NRF1: variants seen among roughly 807,000 people sequenced by gnomAD.
The protein encoded by NRF1 is alpha palindromic-binding protein.
A neutral mutation model predicts 58.5 loss-of-function variants in NRF1; 5 were observed. The ratio of observed to expected loss-of-function variants is 0.09; its 90% CI spans 0.04 to 0.18. The LOEUF is 0.18. Ranked by LOEUF, NRF1 falls within the 10% of genes least tolerant of loss-of-function variation. The probability of loss-of-function intolerance (pLI) is 1.00; values close to 1 mark genes in which losing one functional copy is unlikely to be tolerated. For missense variants in NRF1, 288 were observed against 657.7 expected, an observed-to-expected ratio of 0.44 and a Z score of 6.15; for synonymous variants, 224 against 246.7, an observed-to-expected ratio of 0.91 and a Z score of 0.86.
chr7:129,640,194 A>G (rs1454045057), intron 1 of NRF1, among the ~76,000 whole-genome samples: 2 of 152,094 alleles, frequency 1.3e-5, no homozygotes, highest in Non-Finnish European at 1.5e-5. Context: ...CAATTTGAAA[A>G]ATCAATTCAA....
intron 10 of NRF1, among the ~76,000 whole-genome samples, chr7:129,733,562 C>G (rs1354378062): frequency 1.3e-5 from 2 of 152,124 alleles, no homozygotes; most frequent in Non-Finnish European, 2.9e-5. Flanking sequence ...AAAATTGACT[C>G]AAGTTTTCTC....
intron 5 of NRF1, among the ~76,000 whole-genome samples, chr7:129,702,550 A>G (rs1393824328): frequency 6.6e-6 from 1 of 152,192 alleles, no homozygotes; most frequent in Non-Finnish European, 1.5e-5. Context: ...ACTACAAATA[A>G]TTCCCAATAT....
At position 129,629,664 on chromosome 7, in the gene NRF1, A is replaced by G. The variant is rs1232589746; in HGVS notation, c.-7+17840A>G. Among the ~76,000 whole-genome samples the G allele has an allele frequency of 2.0e-5, 3 of 152,246 alleles. 1 individual carries two copies. The South Asian group carries it at 6.2e-4, about 31-fold the overall frequency. On this transcript the variant is annotated intron_variant, in intron 1 of 10. Coordinates refer to ENST00000393232, the MANE Select transcript of NRF1 (RefSeq NM_005011.5). ...AATGCAACAGAAGCGCTTTATGCAT[A>G]CTTTCCATTTGTTACGCAGAATAGT...
In NRF1 at chr7:129,668,408, A is replaced by T. The variant is rs184536434; in HGVS notation, c.224-3021A>T. 2.2e-4 allele frequency among the ~76,000 whole-genome samples: 33 copies of T among 152,358 alleles called. 1 individual carries two copies. In the East Asian group the frequency reaches 4.0e-3, roughly 19 times the overall value. On this transcript the variant is annotated intron_variant, in intron 2 of 10. Transcript: ENST00000393232. ...GTAGGATGAATGCCTTCAAATTCTT[A>T]AAATCTTATGAATTGTTTTGGCTAT...
At chr7:129,675,827 C>T (rs1260229150) in intron 3 of NRF1, among the ~76,000 whole-genome samples, 2 of 152,192 alleles carry the variant, frequency 1.3e-5, no homozygotes, top group Admixed American at 1.3e-4. Context: ...TCACTAGCTG[C>T]ATTAGCCCCT....
chr7:129,739,464 G>C (rs1185950091), intron 10 of NRF1, among the ~76,000 whole-genome samples: 2 of 151,874 alleles, frequency 1.3e-5, no homozygotes, highest in Non-Finnish European at 2.9e-5. Context: ...CTCTGTACAG[G>C]GGAGGACAAC....
intron 1 of NRF1, among the ~76,000 whole-genome samples, chr7:129,614,935 G>A (rs574437785): frequency 1.1e-4 from 17 of 152,296 alleles, no homozygotes; most frequent in African/African-American, 3.6e-4. Context: ...AGCATTTTAT[G>A]TAAATAATCA....
chr7:129,626,686 T>C (rs577859708), intron 1 of NRF1, among the ~76,000 whole-genome samples: 1 of 152,360 alleles, frequency 6.6e-6, no homozygotes, highest in South Asian at 2.1e-4. Context: ...TTAAATGCTG[T>C]GATGAATACA....
At chr7:129,680,505 C>G (rs1449388041) in intron 4 of NRF1, among the ~76,000 whole-genome samples, 1 of 152,128 alleles carries the variant, frequency 6.6e-6, no homozygotes, top group East Asian at 1.9e-4. Flanking sequence ...GTGTTTATAG[C>G]AGCATTATTT....
chr7:129,713,421 C>T (rs559407130), intron 8 of NRF1, among the ~76,000 whole-genome samples: 4 of 152,236 alleles, frequency 2.6e-5, no homozygotes, highest in Admixed American at 6.5e-5. Flanking sequence ...ACATTAGAGA[C>T]GTGAATTTTA....
chr7:129,666,523 G>A (rs923759110), intron 2 of NRF1, among the ~76,000 whole-genome samples: 1 of 152,058 alleles, frequency 6.6e-6, no homozygotes, highest in Non-Finnish European at 1.5e-5. Flanking sequence ...CATTATCTGA[G>A]TATTTCTTTT....
At chr7:129,620,628 C>T (rs1053250076) in intron 1 of NRF1, among the ~76,000 whole-genome samples, 8 of 152,102 alleles carry the variant, frequency 5.3e-5, no homozygotes, top group South Asian at 2.1e-4. Flanking sequence ...CCTTGTGATC[C>T]GCCCGCCTTG....
intron 7 of NRF1, among the ~76,000 whole-genome samples, chr7:129,710,870 C>T (rs898707192): frequency 1.1e-4 from 17 of 151,910 alleles, no homozygotes; most frequent in African/African-American, 4.1e-4. Context: ...CTCAACCTCC[C>T]GGGCTCAAGT....
At chr7:129,672,512 C>G (rs565029749) in intron 3 of NRF1, among the ~76,000 whole-genome samples, 1 of 152,112 alleles carries the variant, frequency 6.6e-6, no homozygotes, top group South Asian at 2.1e-4. Context: ...ATCAGGGAGA[C>G]CAATTAGGTG....
intron 1 of NRF1, among the ~76,000 whole-genome samples, chr7:129,641,005 G>C (rs117884876): frequency 6.6e-5 from 10 of 152,156 alleles, no homozygotes; most frequent in Non-Finnish European, 1.0e-4. Flanking sequence ...AAATCACAGA[G>C]CCGTGGAGAC....
chr7:129,633,724 A>G (rs1719758656), intron 1 of NRF1: 3 of 151,982 alleles, frequency 2.0e-5, no homozygotes, highest in Non-Finnish European at 4.4e-5. Flanking sequence ...TTTTCCCACC[A>G]CTGCTCACCC....
chr7:129,674,759 A>G (rs756239870), intron 3 of NRF1, among the ~76,000 whole-genome samples: 7 of 152,070 alleles, frequency 4.6e-5, no homozygotes, highest in Non-Finnish European at 1.0e-4. Context: ...TTGCTAAAAG[A>G]TGTTAGGGCT....
chr7:129,683,430 G>A (rs1409675291), intron 4 of NRF1, among the ~76,000 whole-genome samples: 1 of 151,538 alleles, frequency 6.6e-6, no homozygotes. Flanking sequence ...CTGTGTTCAA[G>A]TGATTCTCCC....
At chr7:129,619,459 CG>C (rs1800735500) in intron 1 of NRF1, among the ~76,000 whole-genome samples, 1 of 61,164 alleles carries the variant, frequency 1.6e-5, no homozygotes, top group Non-Finnish European at 2.9e-5. Context: ...TATATATACA[CG>C]TGTGTGTGTG....
Sources: gnomAD v4.1 joint callset for allele counts (sites outside exome capture counted in the v4.1 genomes callset) on GRCh38, gnomAD v4.1.1 for gene constraint, MANE v1.5 for transcripts, NCBI Gene and HGNC (gene_info 2026-07-23, HGNC 2026-07-21) for gene names.